CALN1: variants seen among roughly 807,000 people sequenced by gnomAD.
CALN1 encodes the protein calcium-binding protein 8.
CALN1 carries 17 observed loss-of-function variants against 30.6 expected under a neutral mutation model. The observed-to-expected ratio is 0.56, with a 90% CI of 0.38 to 0.83. CALN1 has a LOEUF of 0.83. Ranked by LOEUF, CALN1 falls within the 40% of genes least tolerant of loss-of-function variation. The pLI is 0.00. For missense variants in CALN1, 291 were observed against 354.9 expected, an observed-to-expected ratio of 0.82 and a Z score of 1.45; for synonymous variants, 156 against 131.4, an observed-to-expected ratio of 1.19 and a Z score of -1.28.
chr7:72,409,472 G>C lies in CALN1; in HGVS notation c.-74+2586C>G, dbSNP rs187962802. On this transcript the variant is annotated intron_variant, in intron 1 of 6. Coordinates refer to ENST00000395275, the MANE Select transcript of CALN1 (RefSeq NM_031468.4). Reference sequence around the variant, plus strand: ...AACGGATCTCTGTGCCAGCCTCTGAGGAAGGAGGCATATGGATAGTCTGAG... The same window carrying C: ...AACGGATCTCTGTGCCAGCCTCTGACGAAGGAGGCATATGGATAGTCTGAG... 4.4e-3 allele frequency among the ~76,000 whole-genome samples: 646 copies of C among 148,122 alleles called. 3 individuals are homozygous for C. Among genetic ancestry groups the C allele is most frequent in the African/African-American group, 0.015 (619 of 40,516 alleles).
At chr7:72,243,703 G>T (rs1794986545) in intron 3 of CALN1, among the ~76,000 whole-genome samples, 1 of 152,136 alleles carries the variant, frequency 6.6e-6, no homozygotes, top group Non-Finnish European at 1.5e-5. Context: ...CAATCAAGCT[G>T]CTAGGCTGAT....
intron 4 of CALN1, among the ~76,000 whole-genome samples, chr7:72,047,972 A>G (rs1228579315): frequency 6.6e-6 from 1 of 152,146 alleles, no homozygotes; most frequent in Non-Finnish European, 1.5e-5. Flanking sequence ...AGATGCTCAT[A>G]AGCATCTAAC....
intron 4 of CALN1, among the ~76,000 whole-genome samples, chr7:72,072,272 G>C (rs1291877577): frequency 6.6e-6 from 1 of 152,148 alleles, no homozygotes; most frequent in African/African-American, 2.4e-5. Flanking sequence ...TGGTGAGAGA[G>C]AAGCATATTT....
At chr7:72,003,428 C>T (rs534541813) in intron 5 of CALN1, among the ~76,000 whole-genome samples, 8 of 152,106 alleles carry the variant, frequency 5.3e-5, no homozygotes, top group African/African-American at 1.4e-4. Context: ...AAGAGGTGAG[C>T]GGTGGTTAGG....
intron 6 of CALN1, among the ~76,000 whole-genome samples, chr7:71,803,138 A>G (rs375552585): frequency 2.3e-4 from 35 of 152,318 alleles, no homozygotes; most frequent in African/African-American, 8.4e-4. Flanking sequence ...TTAACCAAAT[A>G]TTCTCATGAT....
chr7:71,882,949 A>C (rs1298098063), intron 5 of CALN1, among the ~76,000 whole-genome samples: 1 of 151,648 alleles, frequency 6.6e-6, no homozygotes, highest in Non-Finnish European at 1.5e-5. Context: ...TACTGGCTTC[A>C]AGCAATCCCT....
the CALN1 span, among the ~76,000 whole-genome samples, chr7:72,487,313 C>T: frequency 2.8e-4 from 42 of 152,098 alleles, no homozygotes; most frequent in African/African-American, 9.2e-4. Flanking sequence ...AAGTTTAACA[C>T]GTGTGAAAAA....
chr7:72,295,163 AT>A (rs1798764579), intron 2 of CALN1, among the ~76,000 whole-genome samples: 1 of 152,132 alleles, frequency 6.6e-6, no homozygotes, highest in African/African-American at 2.4e-5. Flanking sequence ...TGGAAATAAA[AT>A]TTTTTTAAAA....
chr7:71,833,529 C>T (rs952451647), intron 5 of CALN1, among the ~76,000 whole-genome samples: 2 of 146,186 alleles, frequency 1.4e-5, no homozygotes, highest in Non-Finnish European at 3.0e-5. Context: ...AATCTAGTGA[C>T]AGCCATGAGA....
chr7:72,194,553 G>C (rs11981190), intron 3 of CALN1, among the ~76,000 whole-genome samples: 1 of 149,118 alleles, frequency 6.7e-6, no homozygotes, highest in Non-Finnish European at 1.5e-5. Flanking sequence ...AACAGAAACA[G>C]AAACAGGTTT....
At chr7:72,198,621 T>G (rs781176385) in intron 3 of CALN1, among the ~76,000 whole-genome samples, 5 of 151,764 alleles carry the variant, frequency 3.3e-5, no homozygotes, top group Non-Finnish European at 5.9e-5. Flanking sequence ...CTCCCAGCAA[T>G]TCTACCTTCT....
At chr7:72,110,655 A>AT (rs1807504695) in intron 3 of CALN1, among the ~76,000 whole-genome samples, 1 of 131,940 alleles carries the variant, frequency 7.6e-6, no homozygotes, top group Non-Finnish European at 1.7e-5. Flanking sequence ...AACCTCACTA[A>AT]CTTTTTTTTT....
chr7:71,838,282 T>C (rs1340408682), intron 5 of CALN1, among the ~76,000 whole-genome samples: 1 of 152,224 alleles, frequency 6.6e-6, no homozygotes, highest in African/African-American at 2.4e-5. Flanking sequence ...AGTTAAGAGA[T>C]CATTTTTTAA....
intron 2 of CALN1, among the ~76,000 whole-genome samples, chr7:72,339,681 T>A (rs1802292770): frequency 6.6e-6 from 1 of 152,228 alleles, no homozygotes; most frequent in African/African-American, 2.4e-5. Flanking sequence ...CAGTTCCACA[T>A]GGCTGGGGAG....
At chr7:72,354,255 G>T (rs771033137) in intron 2 of CALN1, among the ~76,000 whole-genome samples, 1 of 151,684 alleles carries the variant, frequency 6.6e-6, no homozygotes, top group African/African-American at 2.4e-5. Flanking sequence ...CAAAATAAGT[G>T]TAAGTTCTGT....
At chr7:72,279,342 A>G (rs1425931137) in intron 2 of CALN1, among the ~76,000 whole-genome samples, 1 of 152,184 alleles carries the variant, frequency 6.6e-6, no homozygotes, top group Non-Finnish European at 1.5e-5. Flanking sequence ...AAGTACATGC[A>G]ATGCTCTGCA....
chr7:72,054,508 T>TATAC (rs1563015782), intron 4 of CALN1, among the ~76,000 whole-genome samples: 4 of 115,002 alleles, frequency 3.5e-5, no homozygotes, highest in East Asian at 4.0e-4. Context: ...TACATATATA[T>TATAC]ACATATATAT....
chr7:72,074,552 C>G (rs927149982), intron 4 of CALN1, among the ~76,000 whole-genome samples: 1 of 152,184 alleles, frequency 6.6e-6, no homozygotes, highest in African/African-American at 2.4e-5. Context: ...GGATTACAGG[C>G]ACCCACCACC....
chr7:72,154,617 G>A (rs1303449562), intron 3 of CALN1, among the ~76,000 whole-genome samples: 1 of 151,980 alleles, frequency 6.6e-6, no homozygotes, highest in East Asian at 1.9e-4. Flanking sequence ...AACCACAGAG[G>A]GCCTCTGTGT....
Sources: gnomAD v4.1 joint callset for allele counts (sites outside exome capture counted in the v4.1 genomes callset) on GRCh38, gnomAD v4.1.1 for gene constraint, MANE v1.5 for transcripts, NCBI Gene and HGNC (gene_info 2026-07-23, HGNC 2026-07-21) for gene names.